Variants in IGFBP7 observed in about 807,000 individuals in gnomAD.
The protein encoded by IGFBP7 is insulin like growth factor binding protein 7.
A neutral mutation model predicts 29.4 loss-of-function variants in IGFBP7; 31 were observed. The ratio of observed to expected loss-of-function variants is 1.05; its 90% confidence interval spans 0.79 to 1.42. IGFBP7 has a LOEUF of 1.42. Ranked by LOEUF, IGFBP7 falls within the 40% of genes most tolerant of loss-of-function variation. The pLI is 0.00. For missense variants in IGFBP7, 393 were observed against 395.5 expected (o/e 0.99, Z 0.05); for synonymous variants, 172 against 174.9 (o/e 0.98, Z 0.13).
At chr4:57,100,513 C>T (rs1725871013) in intron 1 of IGFBP7, among the ~76,000 whole-genome samples, 1 of 152,118 alleles carries the variant, frequency 6.6e-6, no homozygotes, top group Admixed American at 6.5e-5. Flanking sequence ...ATATATGTAC[C>T]ATAAAGAGCC....
At chr4:57,054,820 G>A (rs1724609582) in intron 1 of IGFBP7, among the ~76,000 whole-genome samples, 1 of 152,068 alleles carries the variant, frequency 6.6e-6, no homozygotes, top group African/African-American at 2.4e-5. Flanking sequence ...TGCTACAATG[G>A]GGCCAGTTCT....
At chr4:57,074,315 C>T (rs983439904) in intron 1 of IGFBP7, among the ~76,000 whole-genome samples, 1 of 152,206 alleles carries the variant, frequency 6.6e-6, no homozygotes, top group Non-Finnish European at 1.5e-5. Flanking sequence ...CTTGCCTCTG[C>T]CTCCCAAAGT....
At chr4:57,099,544 G>A (rs1207886743) in intron 1 of IGFBP7, among the ~76,000 whole-genome samples, 6 of 152,166 alleles carry the variant, frequency 3.9e-5, no homozygotes, top group Admixed American at 3.9e-4. Context: ...CATGTTGACA[G>A]TTACCTTAGT....
chr4:57,102,919 G>T (rs549465310), intron 1 of IGFBP7, among the ~76,000 whole-genome samples: 58 of 152,316 alleles, frequency 3.8e-4, no homozygotes, highest in African/African-American at 1.3e-3. Flanking sequence ...TGAAAGCAGA[G>T]AGAAGGAGTA....
chr4:57,043,535 G>T (rs761522261), intron 1 of IGFBP7, among the ~76,000 whole-genome samples: 2 of 152,138 alleles, frequency 1.3e-5, no homozygotes, highest in South Asian at 2.1e-4. Context: ...GAAAGGAAAT[G>T]ACCCCAGTGT....
At chr4:57,050,941 A>G (rs1724490325) in intron 1 of IGFBP7, among the ~76,000 whole-genome samples, 1 of 152,192 alleles carries the variant, frequency 6.6e-6, no homozygotes, top group Admixed American at 6.5e-5. Flanking sequence ...AACAACACTC[A>G]CCTTGACTCT....
intron 1 of IGFBP7, among the ~76,000 whole-genome samples, chr4:57,103,690 G>C: frequency 1.1e-5 from 1 of 90,636 alleles, no homozygotes; most frequent in East Asian, 3.5e-4. Flanking sequence ...GCAGGGTCTT[G>C]CCCTGTTACC....
chr4:57,090,054 T>C (rs975975702), intron 1 of IGFBP7, among the ~76,000 whole-genome samples: 1 of 152,204 alleles, frequency 6.6e-6, no homozygotes, highest in Non-Finnish European at 1.5e-5. Context: ...AAACTCCCTG[T>C]TCTACAAGCA....
intron 1 of IGFBP7, among the ~76,000 whole-genome samples, chr4:57,048,570 G>T (rs1028089088): frequency 8.5e-5 from 13 of 152,106 alleles, no homozygotes; most frequent in Non-Finnish European, 1.5e-5. Context: ...AATATCATGA[G>T]GAAAAGACTT....
chr4:57,072,182 T>C lies in IGFBP7; in HGVS notation c.476-31249A>G, dbSNP rs115482439. 2.3e-3 allele frequency among the ~76,000 whole-genome samples: 347 copies of C among 152,186 alleles called. 1 individual carries two copies. The highest frequency in any genetic ancestry group is 8.2e-3 in the African/African-American group (339 of 41,504). ...CTGTCAGGTAGACCCCAGTGTCTGT[T>C]ATATCCTTTTTTGGGTTCATGAGTT... On this transcript the variant is annotated intron_variant, in intron 1 of 4. Coordinates refer to ENST00000295666, the MANE Select transcript of IGFBP7 (RefSeq NM_001553.3).
At position 57,046,533 on chromosome 4, in the gene IGFBP7, A is replaced by G. The variant is rs554374710; in HGVS notation, c.476-5600T>C. The stretch of plus-strand genomic sequence containing the variant: ...CAGTCCTCAAGGCCAGGTCAAGGGT[A>G]ATAACAACATTATCATCTAACTCAT... On this transcript the variant is annotated intron_variant, in intron 1 of 4. Coordinates refer to ENST00000295666, the MANE Select transcript of IGFBP7 (RefSeq NM_001553.3). 6.6e-5 allele frequency among the ~76,000 whole-genome samples: 10 copies of G among 152,326 alleles called. No individual in the cohort carries two copies. In the South Asian group the frequency reaches 1.9e-3, roughly 28 times the overall value.
chr4:57,109,955 G>A lies in IGFBP7; in HGVS notation c.397C>T (p.Leu133=). ...TCGGCCCTCTGGCTGGCGGCGCGCA[G>A]CTGGCAGCCGCTCGGGTAGGTGGTG... is the stretch of plus-strand genomic sequence containing the variant. ...DGTTYPSGCQ[L]RAASQRAESR... is the part of the protein sequence containing the mutation. The change falls in exon 1 of 5, where the codon CTG becomes TTG. Residue 133 remains leucine, a synonymous_variant. Transcript: ENST00000295666. The A allele has an allele frequency of 6.4e-7, 1 of 1,551,238 alleles. No homozygotes were observed. Among genetic ancestry groups the A allele is most frequent in the East Asian group, 2.4e-5 (1 of 42,216 alleles).
intron 1 of IGFBP7, among the ~76,000 whole-genome samples, chr4:57,104,585 T>C (rs1578655032): frequency 6.6e-6 from 1 of 152,022 alleles, no homozygotes; most frequent in African/African-American, 2.4e-5. Flanking sequence ...AAAAAATGAG[T>C]CTAATGAATC....
chr4:57,080,219 A>G (rs1725332699), intron 1 of IGFBP7, among the ~76,000 whole-genome samples: 1 of 152,240 alleles, frequency 6.6e-6, no homozygotes, highest in Admixed American at 6.5e-5. Flanking sequence ...TGGATTTTCA[A>G]AATAACATAC....
chr4:57,072,672 C>T (rs1380967342), intron 1 of IGFBP7: 1 of 370,686 alleles, frequency 2.7e-6, no homozygotes, highest in Non-Finnish European at 5.2e-6. Flanking sequence ...AGGGGTGCTG[C>T]CCGGTACCTT....
intron 1 of IGFBP7, among the ~76,000 whole-genome samples, chr4:57,060,570 T>C (rs7656865): frequency 0.12 from 18,232 of 152,114 alleles, 1,207 homozygotes; most frequent in Middle Eastern, 0.21. Flanking sequence ...CCCCAGTTCG[T>C]TATCCATTGT....
chr4:57,069,810 C>A (rs6857597), intron 1 of IGFBP7, among the ~76,000 whole-genome samples: 3 of 151,976 alleles, frequency 2.0e-5, no homozygotes, highest in African/African-American at 7.2e-5. Flanking sequence ...GGGTCAGGTG[C>A]GGTGGCTCCC....
At chr4:57,101,304 A>G (rs1725890827) in intron 1 of IGFBP7, among the ~76,000 whole-genome samples, 1 of 152,186 alleles carries the variant, frequency 6.6e-6, no homozygotes, top group South Asian at 2.1e-4. Context: ...ACTTCATATC[A>G]TATGAATGGG....
intron 1 of IGFBP7, among the ~76,000 whole-genome samples, chr4:57,099,527 A>T (rs1725841059): frequency 6.6e-6 from 1 of 152,212 alleles, no homozygotes; most frequent in Non-Finnish European, 1.5e-5. Flanking sequence ...GAAAGCAAAT[A>T]CTTGAGCATG....
Sources: allele counts gnomAD v4.1 joint callset (sites outside exome capture counted in the v4.1 genomes callset), GRCh38; gene constraint gnomAD v4.1.1; transcripts MANE v1.5; gene names NCBI Gene and HGNC (gene_info 2026-07-23, HGNC 2026-07-21).